The following BLTP3A variants were observed in gnomAD, a reference collection of about 807,000 sequenced individuals.
BLTP3A encodes bridge-like lipid transfer protein family member 3A.
the BLTP3A span, chr6:34,835,273 TG>T: frequency 6.2e-7 from 1 of 1,612,290 alleles, no homozygotes; most frequent in African/African-American, 1.3e-5. Flanking sequence ...ATAAACCCCA[TG>T]TTGTCTGTGG....
the BLTP3A span, among the ~76,000 whole-genome samples, chr6:34,836,535 A>G: frequency 6.6e-6 from 1 of 152,218 alleles, no homozygotes; most frequent in African/African-American, 2.4e-5. Context: ...AGTGCTGTTC[A>G]GTCTTTAGGG....
chr6:34,853,211 G>T, the BLTP3A span, among the ~76,000 whole-genome samples: 1,553 of 152,254 alleles, frequency 0.01, 8 homozygotes, highest in Non-Finnish European at 0.016. Context: ...GGGTCTTGCT[G>T]CATTGCCAAG....
At chr6:34,798,428 A>G in the BLTP3A span, among the ~76,000 whole-genome samples, 54 of 152,300 alleles carry the variant, frequency 3.5e-4, no homozygotes, top group Non-Finnish European at 4.1e-4. Context: ...AGATTGTAGA[A>G]TATGTATATG....
the BLTP3A span, among the ~76,000 whole-genome samples, chr6:34,833,010 T>G: frequency 6.6e-6 from 1 of 152,212 alleles, no homozygotes; most frequent in Non-Finnish European, 1.5e-5. Context: ...CTAGAGGGAC[T>G]TTGTTTCCTT....
At chr6:34,846,778 C>G in the BLTP3A span, among the ~76,000 whole-genome samples, 2 of 152,084 alleles carry the variant, frequency 1.3e-5, no homozygotes, top group African/African-American at 4.8e-5. Context: ...TCTAATTGTT[C>G]TAGCTAGGAC....
the BLTP3A span, among the ~76,000 whole-genome samples, chr6:34,863,524 C>G: frequency 6.6e-6 from 1 of 152,204 alleles, no homozygotes; most frequent in African/African-American, 2.4e-5. Flanking sequence ...TCTTGATCCT[C>G]TTCTCCTTGT....
At chr6:34,876,591 G>T in the BLTP3A span, 1 of 152,024 alleles carries the variant, frequency 6.6e-6, no homozygotes, top group African/African-American at 2.4e-5. Flanking sequence ...ACTGAACTTT[G>T]GTACACAAGT....
the BLTP3A span, chr6:34,821,705 G>A: frequency 6.2e-7 from 1 of 1,614,168 alleles, no homozygotes; most frequent in Non-Finnish European, 8.5e-7. Flanking sequence ...CCTGAAAGGG[G>A]AGGGTCAGCT....
chr6:34,792,194 A>G, the BLTP3A span: 2 of 1,506,978 alleles, frequency 1.3e-6, no homozygotes, highest in Non-Finnish European at 1.8e-6. Flanking sequence ...CTTCTCCACA[A>G]CTGAGGAGGC....
the BLTP3A span, among the ~76,000 whole-genome samples, chr6:34,820,814 AT>A: frequency 3.6e-3 from 374 of 102,770 alleles, 1 homozygote; most frequent in African/African-American, 9.0e-3. Flanking sequence ...ACCATGCCTA[AT>A]TTTTTTTTTT....
chr6:34,802,541 T>G, the BLTP3A span, among the ~76,000 whole-genome samples: 2 of 152,162 alleles, frequency 1.3e-5, no homozygotes, highest in South Asian at 4.1e-4. Context: ...AGCTTATTTT[T>G]GTAGAGATGG....
At chr6:34,850,623 A>G in the BLTP3A span, among the ~76,000 whole-genome samples, 1 of 151,786 alleles carries the variant, frequency 6.6e-6, no homozygotes, top group Admixed American at 6.6e-5. Flanking sequence ...TCTTTCTCAT[A>G]CTGGGTCAAT....
the BLTP3A span, chr6:34,858,368 A>G: frequency 1.2e-6 from 2 of 1,614,128 alleles, no homozygotes; most frequent in Non-Finnish European, 1.7e-6. Context: ...CATGCCTTTC[A>G]GATGGATTCC....
At chr6:34,859,102 C>G in the BLTP3A span, 1 of 1,614,206 alleles carries the variant, frequency 6.2e-7, no homozygotes, top group South Asian at 1.1e-5. Context: ...GGATCGGGAA[C>G]TGAAGTCTGA....
the BLTP3A span, chr6:34,872,414 A>G: frequency 6.2e-7 from 1 of 1,611,974 alleles, no homozygotes; most frequent in Non-Finnish European, 8.5e-7. Context: ...AGATTAGGAA[A>G]TATAACCCCT....
the BLTP3A span, among the ~76,000 whole-genome samples, chr6:34,815,547 G>C: frequency 4.6e-5 from 7 of 152,028 alleles, no homozygotes; most frequent in Admixed American, 4.6e-4. Context: ...ACCGTGTCTG[G>C]CCAAATTATG....
chr6:34,794,152 T>G, the BLTP3A span, among the ~76,000 whole-genome samples: 1 of 119,610 alleles, frequency 8.4e-6, no homozygotes, highest in African/African-American at 4.4e-5. Flanking sequence ...AGAGCGAGAC[T>G]GTCTCAAAAA....
the BLTP3A span, among the ~76,000 whole-genome samples, chr6:34,848,292 AAAT>A: frequency 6.6e-6 from 1 of 151,320 alleles, no homozygotes; most frequent in Non-Finnish European, 1.5e-5. Context: ...TCAAAAAAAA[AAAT>A]AATAATAATC....
the BLTP3A span, among the ~76,000 whole-genome samples, chr6:34,797,169 T>C: frequency 6.6e-6 from 1 of 152,194 alleles, no homozygotes; most frequent in African/African-American, 2.4e-5. Flanking sequence ...TTAGGTCCAC[T>C]GTGATGGCAT....
Sources: allele counts gnomAD v4.1 joint callset (sites outside exome capture counted in the v4.1 genomes callset), GRCh38; gene constraint gnomAD v4.1.1; transcripts MANE v1.5; gene names NCBI Gene and HGNC (gene_info 2026-07-23, HGNC 2026-07-21).